The following NDUFAF6 variants were observed in gnomAD, a reference collection of about 807,000 sequenced individuals.
NDUFAF6 encodes NADH dehydrogenase (ubiquinone) complex I, assembly factor 6.
In NDUFAF6, 45 loss-of-function variants were observed where a neutral mutation model predicts 40.8. That is an observed-to-expected ratio of 1.10 (90% CI 0.87 to 1.42). The LOEUF (loss-of-function observed/expected upper bound fraction) is 1.42. Among genes scored for constraint, NDUFAF6 ranks in the 40% most tolerant of loss-of-function variants. NDUFAF6 has a pLI of 0.00. For synonymous variants in NDUFAF6, 185 were observed against 155.9 expected (o/e 1.19, Z -1.39); for missense variants, 435 against 418.5 (o/e 1.04, Z -0.34).
At chr8:95,113,558 A>G (rs962243144) in intron 4 of NDUFAF6, among the ~76,000 whole-genome samples, 2 of 152,328 alleles carry the variant, frequency 1.3e-5, no homozygotes, top group South Asian at 4.1e-4. Flanking sequence ...TTAAGCCCTG[A>G]GGCTTTCCTG....
At chr8:95,101,998 T>A (rs1809664936) in intron 2 of NDUFAF6, among the ~76,000 whole-genome samples, 1 of 91,152 alleles carries the variant, frequency 1.1e-5, no homozygotes, top group Non-Finnish European at 2.3e-5. Flanking sequence ...AAAAAGTATT[T>A]TTTTTTTTTT....
At chr8:95,013,366 A>G (rs1827304595) in intron 2 of NDUFAF6, among the ~76,000 whole-genome samples, 1 of 152,194 alleles carries the variant, frequency 6.6e-6, no homozygotes, top group Admixed American at 6.5e-5. Context: ...ATGGCCTCCC[A>G]AAGTTCTGGG....
downstream of NDUFAF6, among the ~76,000 whole-genome samples, chr8:95,077,647 A>G (rs888506072): frequency 6.6e-6 from 1 of 152,228 alleles, no homozygotes; most frequent in Non-Finnish European, 1.5e-5. Context: ...CACTGCAGAA[A>G]GCAAAACCTT....
intron 9 of NDUFAF6, chr8:95,075,564 G>A (rs1003802979): frequency 1.6e-6 from 2 of 1,236,096 alleles, no homozygotes; most frequent in African/African-American, 3.1e-5. Context: ...CATCTCTCGG[G>A]GCATGGGAAT....
chr8:95,083,949 C>A lies in NDUFAF6; in HGVS notation n.213+8197C>A, dbSNP rs1398290689. ...TTTCCCATCCAAAATCACAGAACCCCTGACTTTTATCCATGCATCTTAGAT... is the reference window on the plus strand; with the variant it reads ...TTTCCCATCCAAAATCACAGAACCCATGACTTTTATCCATGCATCTTAGAT... On this transcript the variant is annotated intron_variant and non_coding_transcript_variant, in intron 2 of 5. Transcript: ENST00000523184. Among the ~76,000 whole-genome samples the A allele has an allele frequency of 2.0e-5, 3 of 152,144 alleles. No individual in the cohort carries two copies. In the East Asian group the frequency reaches 5.8e-4, roughly 29 times the overall value.
At chr8:95,108,667 G>A (rs761618742) in intron 4 of NDUFAF6, among the ~76,000 whole-genome samples, 1 of 152,142 alleles carries the variant, frequency 6.6e-6, no homozygotes, top group African/African-American at 2.4e-5. Context: ...ATGTACTTAA[G>A]ACCACTGAAC....
intron 1 of NDUFAF6, among the ~76,000 whole-genome samples, chr8:94,904,502 C>A (rs1268578821): frequency 2.0e-5 from 3 of 151,662 alleles, no homozygotes; most frequent in Non-Finnish European, 4.4e-5. Context: ...ATAATTTGTT[C>A]TGTTCCATTG....
At position 94,991,837 on chromosome 8, in the gene NDUFAF6, A is replaced by G. The variant is rs12335322; in HGVS notation, c.-84+10864A>G. Among the ~76,000 whole-genome samples the G allele has an allele frequency of 7.6e-3, 896 of 117,410 alleles. 12 individuals are homozygous for G. Among genetic ancestry groups the G allele is most frequent in the African/African-American group, 0.027 (836 of 30,722 alleles). The allele number at this position is 117,410 out of a possible 152,430, so 77.0% of individuals were successfully genotyped here. ...TTTTTTTAAAGCAGCACGAGATTCC[A>G]TTGTGTGGCTGTAGCACAGTTTATT... On this transcript the variant is annotated intron_variant, in intron 2 of 9. Coordinates refer to the NDUFAF6 transcript ENST00000396111.
rs77555932 is a variant in NDUFAF6 at position 95,102,463 on chromosome 8, C to T, written n.231-513C>T. Among the ~76,000 whole-genome samples, 15 of 152,330 alleles carry T rather than the reference C, an allele frequency of 9.8e-5. 1 individual carries two copies. The highest frequency in any genetic ancestry group is 3.6e-4 in the African/African-American group (15 of 41,574). ...GAAGAATCTGCTACTGCTGGCCCCC[C>T]ACTCCTGACCCCCTGGGTTGAGACC... On this transcript the variant is annotated intron_variant and non_coding_transcript_variant, in intron 2 of 2. Coordinates refer to the NDUFAF6 transcript ENST00000521063.
intron 3 of NDUFAF6, 32 bp from the exon 4 acceptor site, chr8:95,041,538 T>C (rs772369645): frequency 2.1e-6 from 3 of 1,453,840 alleles, no homozygotes; most frequent in South Asian, 1.2e-5. Context: ...TCTAGTACTT[T>C]CTAAAAACTT....
intron 9 of NDUFAF6, among the ~76,000 whole-genome samples, chr8:95,065,392 C>T (rs1832678512): frequency 6.6e-6 from 1 of 152,174 alleles, no homozygotes; most frequent in South Asian, 2.1e-4. Flanking sequence ...GAAAAATTTC[C>T]ACATATTTCT....
chr8:94,946,554 G>A (rs1422227655), intron 2 of NDUFAF6, among the ~76,000 whole-genome samples: 1 of 151,670 alleles, frequency 6.6e-6, no homozygotes, highest in East Asian at 1.9e-4. Context: ...TAAATTAGCT[G>A]GGTGTGGTGG....
chr8:94,998,184 T>G (rs1255911756), intron 2 of NDUFAF6, among the ~76,000 whole-genome samples: 1 of 152,232 alleles, frequency 6.6e-6, no homozygotes, highest in East Asian at 1.9e-4. Flanking sequence ...CTTGTCTTTC[T>G]TATATTCTTT....
intron 8 of NDUFAF6, among the ~76,000 whole-genome samples, chr8:95,057,499 A>G (rs1191169145): frequency 2.0e-5 from 3 of 152,176 alleles, no homozygotes; most frequent in Non-Finnish European, 2.9e-5. Context: ...TTTGCATTCC[A>G]CCAAATCTAG....
chr8:95,027,808 T>C (rs943030513), intron 1 of NDUFAF6, among the ~76,000 whole-genome samples: 3 of 152,240 alleles, frequency 2.0e-5, no homozygotes, highest in Non-Finnish European at 4.4e-5. Context: ...TCTGAAATTA[T>C]GCAGGGTTGT....
chr8:94,921,400 A>G (rs578216689), intron 1 of NDUFAF6, among the ~76,000 whole-genome samples: 23 of 152,210 alleles, frequency 1.5e-4, no homozygotes, highest in African/African-American at 5.5e-4. Flanking sequence ...GGCCAGGGGG[A>G]ATGCATATCT....
intron 4 of NDUFAF6, among the ~76,000 whole-genome samples, chr8:95,041,863 G>GT (rs1435651769): frequency 6.6e-6 from 1 of 152,022 alleles, no homozygotes. Context: ...CACTATTTTG[G>GT]TTTTTTCAAA....
intron 2 of NDUFAF6, among the ~76,000 whole-genome samples, chr8:94,996,198 AG>A (rs1826423727): frequency 6.6e-6 from 1 of 152,216 alleles, no homozygotes; most frequent in South Asian, 2.1e-4. Flanking sequence ...CCAAGCCTCC[AG>A]GGTCTCCTGA....
chr8:94,985,450 G>C (rs1201860411), intron 2 of NDUFAF6, among the ~76,000 whole-genome samples: 1 of 92,004 alleles, frequency 1.1e-5, no homozygotes, highest in Non-Finnish European at 2.0e-5. Flanking sequence ...CCAGAAAGTA[G>C]AAAAGAAAAA....
Sources: allele counts gnomAD v4.1 joint callset (sites outside exome capture counted in the v4.1 genomes callset), GRCh38; gene constraint gnomAD v4.1.1; transcripts MANE v1.5; gene names NCBI Gene and HGNC (gene_info 2026-07-23, HGNC 2026-07-21).